The following ADAMTSL1 variants were observed in gnomAD, a reference collection of about 807,000 sequenced individuals.
The protein encoded by ADAMTSL1 is ADAMTS like 1, also known as ADAMTS-like protein 1.
ADAMTSL1 carries 126 observed loss-of-function variants against 201.8 expected under a neutral mutation model. The ratio of observed to expected loss-of-function variants is 0.62; its 90% confidence interval spans 0.54 to 0.72. The LOEUF is 0.72. Ranked by LOEUF, ADAMTSL1 falls within the 30% of genes least tolerant of loss-of-function variation. ADAMTSL1 has a pLI of 0.00. For missense variants in ADAMTSL1, 2,679 were observed against 2,277.8 expected, an observed-to-expected ratio of 1.18 and a Z score of -3.59; for synonymous variants, 1,121 against 903.4, an observed-to-expected ratio of 1.24 and a Z score of -4.32.
chr9:18,568,140 T>C (rs901054252), intron 3 of ADAMTSL1, among the ~76,000 whole-genome samples: 4 of 152,170 alleles, frequency 2.6e-5, no homozygotes, highest in African/African-American at 9.7e-5. Flanking sequence ...GGGACTACTG[T>C]ATATAAGTCT....
At chr9:18,682,918 A>G (rs986490391) in intron 12 of ADAMTSL1, among the ~76,000 whole-genome samples, 4 of 152,182 alleles carry the variant, frequency 2.6e-5, no homozygotes, top group Non-Finnish European at 5.9e-5. Context: ...CCTCTGTAAA[A>G]TGGGTGTAAT....
At chr9:18,490,247 G>A (rs1463390319) in intron 1 of ADAMTSL1, among the ~76,000 whole-genome samples, 1 of 152,136 alleles carries the variant, frequency 6.6e-6, no homozygotes, top group East Asian at 1.9e-4. Context: ...AGAAGAGTCT[G>A]AATGGGGGCT....
chr9:18,718,099 G>C, intron 14 of ADAMTSL1: 1 of 1,307,942 alleles, frequency 7.6e-7, no homozygotes, highest in Non-Finnish European at 1.1e-6. Flanking sequence ...AAGAATCTAA[G>C]AATGCACAGT....
At chr9:18,004,018 A>T (rs1392165027) in intron 1 of ADAMTSL1, among the ~76,000 whole-genome samples, 2 of 152,048 alleles carry the variant, frequency 1.3e-5, no homozygotes, top group Non-Finnish European at 2.9e-5. Flanking sequence ...ATGTTTGGGC[A>T]CCTAAAAAGA....
At chr9:18,794,317 G>A (rs1010613969) in intron 19 of ADAMTSL1, among the ~76,000 whole-genome samples, 1 of 151,818 alleles carries the variant, frequency 6.6e-6, no homozygotes, top group African/African-American at 2.4e-5. Flanking sequence ...GCAGAGGTGG[G>A]AGGACTGCTT....
At chr9:18,410,168 G>C (rs1483686715) in intron 2 of ADAMTSL1, among the ~76,000 whole-genome samples, 1 of 151,196 alleles carries the variant, frequency 6.6e-6, no homozygotes, top group Non-Finnish European at 1.5e-5. Flanking sequence ...GATCTAATTA[G>C]TCCCTGAATC....
intron 2 of ADAMTSL1, among the ~76,000 whole-genome samples, chr9:18,320,801 G>T (rs1272305521): frequency 3.3e-5 from 5 of 152,046 alleles, no homozygotes; most frequent in Non-Finnish European, 7.4e-5. Context: ...ACTGACAAGG[G>T]TGTGTATGTG....
chr9:18,268,862 T>G (rs1036603976), intron 2 of ADAMTSL1, among the ~76,000 whole-genome samples: 1 of 152,148 alleles, frequency 6.6e-6, no homozygotes, highest in African/African-American at 2.4e-5. Flanking sequence ...GAGTTCTTTT[T>G]CTCCTGTTGT....
At chr9:18,811,849 A>G (rs898942951) in intron 20 of ADAMTSL1, among the ~76,000 whole-genome samples, 1 of 152,230 alleles carries the variant, frequency 6.6e-6, no homozygotes, top group African/African-American at 2.4e-5. Context: ...GATTGTCTTT[A>G]TAGACAATCA....
chr9:18,828,717 A>C (rs1277106682), intron 22 of ADAMTSL1, among the ~76,000 whole-genome samples: 1 of 117,276 alleles, frequency 8.5e-6, no homozygotes, highest in South Asian at 2.9e-4. Context: ...GTGTATATAT[A>C]TATATGTACA....
At chr9:18,334,836 A>T (rs192551420) in intron 2 of ADAMTSL1, among the ~76,000 whole-genome samples, 5 of 152,312 alleles carry the variant, frequency 3.3e-5, no homozygotes, top group Admixed American at 6.5e-5. Context: ...TCATCAGAAG[A>T]AAGAGATTTT....
intron 2 of ADAMTSL1, among the ~76,000 whole-genome samples, chr9:18,288,932 G>A (rs1454806259): frequency 1.3e-5 from 2 of 152,210 alleles, no homozygotes; most frequent in Non-Finnish European, 2.9e-5. Context: ...GAAACTGTAG[G>A]TGAGTTCCTT....
chr9:18,894,617 C>G (rs749693237), intron 26 of ADAMTSL1, among the ~76,000 whole-genome samples: 8 of 150,730 alleles, frequency 5.3e-5, no homozygotes, highest in Non-Finnish European at 1.0e-4. Flanking sequence ...GATAGGAATA[C>G]AGAAAAAAAA....
At chr9:18,305,052 G>A (rs1187563934) in intron 2 of ADAMTSL1, among the ~76,000 whole-genome samples, 1 of 152,090 alleles carries the variant, frequency 6.6e-6, no homozygotes, top group Non-Finnish European at 1.5e-5. Flanking sequence ...GCAGCCCATG[G>A]ATGGGGAGCT....
chr9:17,947,400 A>G (rs540097615), intron 1 of ADAMTSL1, among the ~76,000 whole-genome samples: 1 of 151,602 alleles, frequency 6.6e-6, no homozygotes, highest in Non-Finnish European at 1.5e-5. Flanking sequence ...TTAGTAGACT[A>G]TCACAGTTTG....
chr9:18,685,275 A>G (rs1830759808), intron 13 of ADAMTSL1, among the ~76,000 whole-genome samples: 1 of 152,166 alleles, frequency 6.6e-6, no homozygotes, highest in Admixed American at 6.5e-5. Flanking sequence ...TCAGGGATGG[A>G]CCTGCTTATT....
chr9:18,225,572 A>G (rs907642369), intron 2 of ADAMTSL1, among the ~76,000 whole-genome samples: 1 of 152,148 alleles, frequency 6.6e-6, no homozygotes, highest in Non-Finnish European at 1.5e-5. Flanking sequence ...ATTTAAAAGC[A>G]ATCCCATCAC....
intron 23 of ADAMTSL1, among the ~76,000 whole-genome samples, chr9:18,847,298 C>T (rs1182027517): frequency 6.6e-6 from 1 of 152,126 alleles, no homozygotes; most frequent in Non-Finnish European, 1.5e-5. Context: ...AGCTCAGCCT[C>T]AAAGGATGAG....
chr9:18,383,046 AC>A (rs1379445683), intron 2 of ADAMTSL1, among the ~76,000 whole-genome samples: 1 of 152,188 alleles, frequency 6.6e-6, no homozygotes, highest in Non-Finnish European at 1.5e-5. Flanking sequence ...GTAGAAGGGG[AC>A]AGCTAGACTA....
Sources: allele counts gnomAD v4.1 joint callset (sites outside exome capture counted in the v4.1 genomes callset), GRCh38; gene constraint gnomAD v4.1.1; transcripts MANE v1.5; gene names NCBI Gene and HGNC (gene_info 2026-07-23, HGNC 2026-07-21).